NADK: variants seen among roughly 807,000 people sequenced by gnomAD.
NADK encodes the protein NAD kinase.
In NADK, 22 loss-of-function variants were observed where a neutral mutation model predicts 49.8. That is an observed-to-expected ratio of 0.44 (90% CI 0.32 to 0.63). NADK has a LOEUF of 0.63. NADK is among the 30% of genes least tolerant of loss of function. The pLI, the probability that NADK is intolerant of heterozygous loss-of-function variation, is 0.06. For synonymous variants in NADK, 268 were observed against 253.7 expected, an observed-to-expected ratio of 1.06 and a Z score of -0.54; for missense variants, 438 against 609.4, an observed-to-expected ratio of 0.72 and a Z score of 2.96.
At chr1:1,757,965 G>A (rs758866524) in intron 3 of NADK, among the ~76,000 whole-genome samples, 26 of 152,112 alleles carry the variant, frequency 1.7e-4, no homozygotes, top group Non-Finnish European at 3.4e-4. Flanking sequence ...CACTGTGCCC[G>A]GTGTTTCTCC....
intron 11 of NADK, 97 bp from the exon 12 acceptor site, chr1:1,753,157 C>T (rs1340126480): frequency 7.0e-7 from 1 of 1,438,436 alleles, no homozygotes; most frequent in South Asian, 1.4e-5. Context: ...ATGGCCGGGA[C>T]TCTTTTCCTG....
chr1:1,777,195 G>A (rs1646237749), intron 1 of NADK, among the ~76,000 whole-genome samples: 3 of 152,162 alleles, frequency 2.0e-5, no homozygotes, highest in Admixed American at 6.6e-5. Context: ...TGGAATCAGC[G>A]TGCTAACACC....
chr1:1,775,385 A>G (rs1273613945), intron 1 of NADK, among the ~76,000 whole-genome samples: 1 of 152,220 alleles, frequency 6.6e-6, no homozygotes, highest in Non-Finnish European at 1.5e-5. Flanking sequence ...GAAACATTCA[A>G]CCTCAACCCT....
In NADK at chr1:1,753,521, G is replaced by T. The variant is rs1557830584; in HGVS notation, c.1184+46C>A. ...AAGAGGGCAGGCGCTGCCTGGCCCG[G>T]GGAGGAGGTTGGCAGGCAGCGCCCA... On this transcript the variant is annotated intron_variant, in intron 11 of 11. Transcript: ENST00000341426. 2.6e-6 allele frequency: 4 copies of T among 1,548,132 alleles called. No homozygotes were observed. The Admixed American group carries it at 5.2e-5, about 20-fold the overall frequency.
chr1:1,774,388 G>A (rs995217135), intron 1 of NADK, among the ~76,000 whole-genome samples: 3 of 151,992 alleles, frequency 2.0e-5, no homozygotes, highest in Admixed American at 1.3e-4. Context: ...GCGCCACCAC[G>A]CCCAGCTAAT....
chr1:1,774,046 T>C (rs1368756402), intron 1 of NADK, among the ~76,000 whole-genome samples: 1 of 152,106 alleles, frequency 6.6e-6, no homozygotes, highest in African/African-American at 2.4e-5. Flanking sequence ...AGAAGCTCTG[T>C]TCATATTTAT....
In NADK at chr1:1,754,028, A is replaced by G; in HGVS notation, c.1101+23T>C. 1 of 1,550,928 alleles carries G rather than the reference A, an allele frequency of 6.4e-7. No individual in the cohort carries two copies. The highest frequency in any genetic ancestry group is 1.4e-5 in the African/African-American group (1 of 72,514). On this transcript the variant is annotated intron_variant, in intron 10 of 11. Transcript: ENST00000341426. The surrounding 1 kb of genome is among the most constrained non-coding windows in gnomAD (Gnocchi z 4.3). ...GGGGTCAAATGACTCACAAACCGGAAAAGGAGTGTCGTTGGCTCTGACCTT... is the reference window on the plus strand; with the variant it reads ...GGGGTCAAATGACTCACAAACCGGAGAAGGAGTGTCGTTGGCTCTGACCTT...
Position 1,776,772 on chromosome 1 carries a change from TAAAAA to T in NADK, c.-41+1512_-41+1516del, listed in dbSNP as rs33953907. The stretch of plus-strand genomic sequence containing the variant: ...TGGGCAACAGAGCTAGACTCTGTCT[TAAAAA>T]AAAAAAAAAAAAAAAAAGACTGGTC... On this transcript the variant is annotated intron_variant, in intron 1 of 11. Coordinates refer to ENST00000341426, the MANE Select transcript of NADK (RefSeq NM_023018.5). Among the ~76,000 whole-genome samples the T allele has an allele frequency of 1.1e-4, 13 of 117,072 alleles. 1 individual carries two copies. Among genetic ancestry groups the T allele is most frequent in the Admixed American group, 4.4e-4 (5 of 11,332 alleles). The allele number at this position is 117,072 out of a possible 152,430, so 76.8% of individuals were successfully genotyped here. A position where few individuals can be genotyped will look rare whatever the true frequency, so the allele number is the denominator to read the frequency against.
intron 1 of NADK, among the ~76,000 whole-genome samples, chr1:1,773,994 C>T (rs1570586791): frequency 6.6e-6 from 1 of 151,986 alleles, no homozygotes; most frequent in African/African-American, 2.4e-5. Context: ...GTTGACCTCC[C>T]AAAGCATTGG....
intron 3 of NADK, 197 bp downstream of exon 3, chr1:1,761,755 G>A (rs1409869015): frequency 1.1e-5 from 6 of 525,740 alleles, no homozygotes. Context: ...CAGGGAGGAC[G>A]CCCATGTGGC....
intron 2 of NADK, among the ~76,000 whole-genome samples, chr1:1,764,603 T>C (rs1645827797): frequency 6.6e-6 from 1 of 152,138 alleles, no homozygotes; most frequent in Admixed American, 6.6e-5. Context: ...GTGACTTCTG[T>C]AGAGCAAATG....
chr1:1,755,331 C>A (rs141189970), intron 7 of NADK, 43 bp downstream of exon 7: 6 of 1,401,084 alleles, frequency 4.3e-6, no homozygotes, highest in Non-Finnish European at 6.1e-6. Context: ...GACAGCAGCG[C>A]CATGATCAGA....
chr1:1,770,222 T>C (rs1179594915), intron 1 of NADK, among the ~76,000 whole-genome samples: 3 of 151,390 alleles, frequency 2.0e-5, no homozygotes, highest in African/African-American at 7.3e-5. Flanking sequence ...AAAAATTCAA[T>C]GAAAACCAGA....
chr1:1,766,410 CAAAAAAAAAAAAAAAAAAAAAAAA>C (rs70937193), intron 1 of NADK, among the ~76,000 whole-genome samples: 9 of 27,006 alleles, frequency 3.3e-4, no homozygotes, highest in East Asian at 8.2e-4. Flanking sequence ...AACTCCGTCT[CAAAAAAAAAAAAAAAAAAAAAAAA>C]AAAAAAAAAA....
At chr1:1,760,970 C>T (rs2100321574) in intron 3 of NADK, among the ~76,000 whole-genome samples, 1 of 152,196 alleles carries the variant, frequency 6.6e-6, no homozygotes, top group Non-Finnish European at 1.5e-5. Context: ...ACTGGGACTA[C>T]AGGTGTGTGC....
intron 6 of NADK, chr1:1,756,043 G>A (rs2076328): frequency 1.2e-5 from 7 of 599,582 alleles, no homozygotes; most frequent in South Asian, 3.9e-5. Flanking sequence ...CCAGGCGGGC[G>A]CTGGCCACCC....
chr1:1,769,058 C>T (rs1645968518), intron 1 of NADK, among the ~76,000 whole-genome samples: 1 of 152,206 alleles, frequency 6.6e-6, no homozygotes, highest in Admixed American at 6.5e-5. Flanking sequence ...AAAGAGCTCC[C>T]CAGAAGATTC....
chr1:1,762,041 G>A lies in NADK; in HGVS notation c.180-6C>T. 3 of 1,613,658 alleles carry A rather than the reference G, an allele frequency of 1.9e-6. No individual in the cohort carries two copies. Among genetic ancestry groups the A allele is most frequent in the African/African-American group, 1.3e-5 (1 of 75,038 alleles). ...CATGAAGAGAGCGTGTCCTCCTGTG[G>A]GGAGAGGGCAGTGTCAGAGCCACCA... On this transcript the variant is annotated splice_region_variant and splice_polypyrimidine_tract_variant and intron_variant, in intron 2 of 11. Coordinates refer to ENST00000341426, the MANE Select transcript of NADK (RefSeq NM_023018.5).
intron 3 of NADK, 76 bp from the exon 4 acceptor site, chr1:1,757,386 A>C: frequency 7.7e-7 from 1 of 1,302,282 alleles, no homozygotes; most frequent in Non-Finnish European, 1.1e-6. Context: ...TTAGAAAATA[A>C]AAAAAAAAAT....
Sources: gnomAD v4.1 joint callset for allele counts (sites outside exome capture counted in the v4.1 genomes callset) on GRCh38, gnomAD v4.1.1 for gene constraint, Gnocchi (gnomAD v3.1) non-coding constraint, MANE v1.5 for transcripts, NCBI Gene and HGNC (gene_info 2026-07-23, HGNC 2026-07-21) for gene names.